Variants in SORCS3 observed in about 807,000 individuals in gnomAD.
The protein encoded by SORCS3 is VPS10 domain-containing receptor SorCS3.
SORCS3 carries 57 observed loss-of-function variants against 146.3 expected under a neutral mutation model. That is an observed-to-expected ratio of 0.39 (90% CI 0.31 to 0.49). SORCS3 has a LOEUF of 0.49. Among genes scored for constraint, SORCS3 ranks in the 20% least tolerant of loss-of-function variants. The pLI, the probability that SORCS3 is intolerant of heterozygous loss-of-function variation, is 0.92. For missense variants in SORCS3, 1,341 were observed against 1,575.5 expected, an observed-to-expected ratio of 0.85 and a Z score of 2.52; for synonymous variants, 653 against 618.5, an observed-to-expected ratio of 1.06 and a Z score of -0.83.
At chr10:104,969,957 T>C (rs2054850195) in intron 3 of SORCS3, among the ~76,000 whole-genome samples, 2 of 152,182 alleles carry the variant, frequency 1.3e-5, no homozygotes, top group Non-Finnish European at 1.5e-5. Flanking sequence ...TCACGGTATA[T>C]AAAATAAAGT....
chr10:104,839,117 A>G (rs1245063919), intron 1 of SORCS3, among the ~76,000 whole-genome samples: 1 of 152,232 alleles, frequency 6.6e-6, no homozygotes, highest in Non-Finnish European at 1.5e-5. Context: ...AAAAGCGATT[A>G]TTGTATAAGA....
chr10:104,745,364 A>G (rs1193641614), intron 1 of SORCS3, among the ~76,000 whole-genome samples: 4 of 152,218 alleles, frequency 2.6e-5, no homozygotes, highest in Non-Finnish European at 5.9e-5. Flanking sequence ...AGGATCTATT[A>G]GTATATACTT....
chr10:105,042,760 G>A (rs1009423132), intron 4 of SORCS3, among the ~76,000 whole-genome samples: 1 of 152,046 alleles, frequency 6.6e-6, no homozygotes, highest in Non-Finnish European at 1.5e-5. Context: ...ATTTTTCCTG[G>A]GAGCACAGAA....
chr10:104,778,713 C>A (rs1315291840), intron 1 of SORCS3, among the ~76,000 whole-genome samples: 1 of 152,214 alleles, frequency 6.6e-6, no homozygotes, highest in Non-Finnish European at 1.5e-5. Flanking sequence ...TTTATAATAT[C>A]TTTTCTCCTT....
At chr10:104,829,642 T>C (rs1233886777) in intron 1 of SORCS3, among the ~76,000 whole-genome samples, 2 of 152,118 alleles carry the variant, frequency 1.3e-5, no homozygotes, top group Non-Finnish European at 2.9e-5. Flanking sequence ...TAGAGAATTT[T>C]TGTAAGAAAT....
At chr10:104,728,021 TTCTA>T (rs56299885) in intron 1 of SORCS3, among the ~76,000 whole-genome samples, 49,267 of 146,398 alleles carry the variant, frequency 0.34, 8,230 homozygotes, top group Middle Eastern at 0.36. Context: ...TATATAACAG[TTCTA>T]TCTATCTATC....
At chr10:105,167,981 T>C (rs1201514016) in intron 13 of SORCS3, among the ~76,000 whole-genome samples, 1 of 151,984 alleles carries the variant, frequency 6.6e-6, no homozygotes, top group Non-Finnish European at 1.5e-5. Context: ...ATGGCCAAAA[T>C]ATAGAAACTA....
chr10:104,868,128 A>G (rs1224833803), intron 2 of SORCS3, among the ~76,000 whole-genome samples: 2 of 152,168 alleles, frequency 1.3e-5, no homozygotes, highest in African/African-American at 4.8e-5. Context: ...CCAGGTGGTT[A>G]CATTTCCACC....
At chr10:104,843,006 G>T in intron 2 of SORCS3, 147 bp downstream of exon 2, 1 of 662,094 alleles carries the variant, frequency 1.5e-6, no homozygotes, top group Non-Finnish European at 2.7e-6. Context: ...TGGAACTGAT[G>T]GCCCCCACCT....
At chr10:105,168,106 G>A (rs2056329357) in intron 13 of SORCS3, among the ~76,000 whole-genome samples, 1 of 151,830 alleles carries the variant, frequency 6.6e-6, no homozygotes, top group African/African-American at 2.4e-5. Context: ...CAATAAAGGA[G>A]GTTTTTCATG....
intron 1 of SORCS3, among the ~76,000 whole-genome samples, chr10:104,723,008 T>C (rs1269969359): frequency 6.6e-6 from 1 of 152,238 alleles, no homozygotes; most frequent in Non-Finnish European, 1.5e-5. Context: ...AGTTATTTCT[T>C]GCCTTCTGCT....
chr10:104,978,466 A>G (rs1424692837), intron 4 of SORCS3, among the ~76,000 whole-genome samples: 1 of 152,246 alleles, frequency 6.6e-6, no homozygotes, highest in African/African-American at 2.4e-5. Context: ...AATGTATTCT[A>G]GAAATGAACT....
intron 1 of SORCS3, among the ~76,000 whole-genome samples, chr10:104,720,437 A>G (rs1180286050): frequency 2.6e-5 from 4 of 152,228 alleles, no homozygotes; most frequent in African/African-American, 9.6e-5. Context: ...CAATAAACAT[A>G]AGTGTGCATG....
At chr10:105,037,653 A>G (rs2133700598) in intron 4 of SORCS3, among the ~76,000 whole-genome samples, 1 of 152,282 alleles carries the variant, frequency 6.6e-6, no homozygotes, top group Admixed American at 6.5e-5. Flanking sequence ...TCTCCTTATG[A>G]GAACACCAGT....
At chr10:105,180,535 A>G (rs1033605229) in intron 14 of SORCS3, among the ~76,000 whole-genome samples, 1 of 152,206 alleles carries the variant, frequency 6.6e-6, no homozygotes, top group African/African-American at 2.4e-5. Flanking sequence ...TTTAGGTCAC[A>G]TTTAGGAATT....
At chr10:104,670,840 T>C (rs2015842277) in intron 1 of SORCS3, among the ~76,000 whole-genome samples, 1 of 151,850 alleles carries the variant, frequency 6.6e-6, no homozygotes, top group African/African-American at 2.4e-5. Flanking sequence ...ATGTCTTTAA[T>C]TTCTTTCAGC....
chr10:105,196,782 A>T (rs2056546598), intron 14 of SORCS3, among the ~76,000 whole-genome samples: 1 of 152,190 alleles, frequency 6.6e-6, no homozygotes, highest in South Asian at 2.1e-4. Flanking sequence ...TGGGTAGATG[A>T]AAGTGGTCTT....
intron 13 of SORCS3, 121 bp from the exon 14 acceptor site, chr10:105,177,945 T>C (rs992825953): frequency 2.0e-5 from 14 of 698,216 alleles, no homozygotes; most frequent in African/African-American, 1.6e-4. Flanking sequence ...TTAAAACCTA[T>C]TGATAATCCA....
chr10:105,255,908 T>C (rs1475932282), intron 24 of SORCS3, 107 bp downstream of exon 24: 3 of 859,298 alleles, frequency 3.5e-6, no homozygotes, highest in Non-Finnish European at 5.5e-6. Context: ...GAAAGTGGCT[T>C]TGTAGAAGGG....
Sources: allele counts gnomAD v4.1 joint callset (sites outside exome capture counted in the v4.1 genomes callset), GRCh38; gene constraint gnomAD v4.1.1; transcripts MANE v1.5; gene names NCBI Gene and HGNC (gene_info 2026-07-23, HGNC 2026-07-21).